ST6GALNAC3: variants seen among roughly 807,000 people sequenced by gnomAD.
The protein encoded by ST6GALNAC3 is alpha-N-acetylgalactosaminide alpha-2,6-sialyltransferase 3.
ST6GALNAC3 carries 25 observed loss-of-function variants against 32.7 expected under a neutral mutation model. The observed-to-expected ratio is 0.76, with a 90% CI of 0.56 to 1.07. The LOEUF (loss-of-function observed/expected upper bound fraction) is 1.07. Among genes scored for constraint, ST6GALNAC3 ranks in the 50% least tolerant of loss-of-function variants. The probability of loss-of-function intolerance (pLI) is 0.00; values close to 1 mark genes in which losing one functional copy is unlikely to be tolerated. For synonymous variants in ST6GALNAC3, 129 were observed against 133.1 expected, an observed-to-expected ratio of 0.97 and a Z score of 0.21; for missense variants, 355 against 382.4, an observed-to-expected ratio of 0.93 and a Z score of 0.60.
intron 3 of ST6GALNAC3, among the ~76,000 whole-genome samples, chr1:76,532,134 T>G (rs1247161353): frequency 2.0e-5 from 3 of 152,226 alleles, no homozygotes; most frequent in Admixed American, 6.5e-5. Flanking sequence ...TCCTGGATTC[T>G]TGATTGTTGG....
intron 3 of ST6GALNAC3, among the ~76,000 whole-genome samples, chr1:76,574,970 A>G (rs868602563): frequency 2.0e-5 from 3 of 152,096 alleles, no homozygotes; most frequent in Non-Finnish European, 2.9e-5. Context: ...TCTGTCTTCC[A>G]TAGGTCAAAG....
At chr1:76,304,640 C>T (rs1385720573) in intron 1 of ST6GALNAC3, among the ~76,000 whole-genome samples, 1 of 152,024 alleles carries the variant, frequency 6.6e-6, no homozygotes, top group Non-Finnish European at 1.5e-5. Context: ...GACTTCCCTT[C>T]TCACTTCACT....
At chr1:76,277,288 T>C (rs1659184366) in intron 1 of ST6GALNAC3, among the ~76,000 whole-genome samples, 1 of 151,912 alleles carries the variant, frequency 6.6e-6, no homozygotes, top group South Asian at 2.1e-4. Context: ...GCTTATATAT[T>C]TGGGCAATGT....
intron 3 of ST6GALNAC3, among the ~76,000 whole-genome samples, chr1:76,451,979 C>A (rs1442830259): frequency 6.6e-6 from 1 of 152,168 alleles, no homozygotes; most frequent in Non-Finnish European, 1.5e-5. Flanking sequence ...TAAGACTGGA[C>A]ATCCTTGTCT....
chr1:76,625,196 A>C (rs573544292), intron 3 of ST6GALNAC3, among the ~76,000 whole-genome samples: 64 of 152,096 alleles, frequency 4.2e-4, no homozygotes, highest in African/African-American at 1.5e-3. Flanking sequence ...TATTGTGATC[A>C]ATTGTTTTAA....
chr1:76,455,591 A>G (rs771920903), intron 3 of ST6GALNAC3, among the ~76,000 whole-genome samples: 5 of 152,170 alleles, frequency 3.3e-5, no homozygotes, highest in South Asian at 2.1e-4. Flanking sequence ...GCTTTCAGCT[A>G]CAAGTTGAAA....
At chr1:76,449,183 T>C (rs775884142) in intron 3 of ST6GALNAC3, among the ~76,000 whole-genome samples, 6 of 152,242 alleles carry the variant, frequency 3.9e-5, no homozygotes, top group Non-Finnish European at 8.8e-5. Flanking sequence ...TGTTAAGTTT[T>C]TTCAGTTGGC....
chr1:76,333,600 A>G lies in ST6GALNAC3; in HGVS notation c.213+19601A>G, dbSNP rs570370342. 2.6e-5 allele frequency among the ~76,000 whole-genome samples: 4 copies of G among 152,316 alleles called. No homozygotes were observed. The South Asian group carries it at 6.2e-4, about 24-fold the overall frequency. On this transcript the variant is annotated intron_variant, in intron 2 of 4. Coordinates refer to ENST00000328299, the MANE Select transcript of ST6GALNAC3 (RefSeq NM_152996.4). The stretch of plus-strand genomic sequence containing the variant: ...ATTCATCATCAGTTAAAATTTTTCT[A>G]TTAATCAGTCAATGAAAAAATTATC...
intron 1 of ST6GALNAC3, among the ~76,000 whole-genome samples, chr1:76,280,372 C>T (rs777364766): frequency 1.4e-4 from 21 of 152,138 alleles, no homozygotes; most frequent in Non-Finnish European, 2.6e-4. Flanking sequence ...TCTTTTCTTC[C>T]TAGAACTAAC....
chr1:76,487,874 T>C (rs1485414188), intron 3 of ST6GALNAC3, among the ~76,000 whole-genome samples: 4 of 152,136 alleles, frequency 2.6e-5, no homozygotes, highest in Admixed American at 2.6e-4. Flanking sequence ...ACCTTGGTCT[T>C]TGATGATGGT....
intron 1 of ST6GALNAC3, among the ~76,000 whole-genome samples, chr1:76,304,933 G>A (rs1039777961): frequency 1.3e-5 from 2 of 151,950 alleles, no homozygotes; most frequent in African/African-American, 4.8e-5. Flanking sequence ...GCAGAGGTTC[G>A]CAGAAGCCAC....
chr1:76,613,498 T>C (rs1301873022), intron 3 of ST6GALNAC3, among the ~76,000 whole-genome samples: 4 of 152,192 alleles, frequency 2.6e-5, no homozygotes, highest in Non-Finnish European at 5.9e-5. Flanking sequence ...TGGATGTAAA[T>C]GATGACATGG....
At chr1:76,449,725 T>A (rs1034630197) in intron 3 of ST6GALNAC3, among the ~76,000 whole-genome samples, 1 of 152,250 alleles carries the variant, frequency 6.6e-6, no homozygotes, top group African/African-American at 2.4e-5. Flanking sequence ...GGTTGTTAAC[T>A]TTTTATCATT....
At chr1:76,410,444 C>A (rs750683615) in intron 2 of ST6GALNAC3, among the ~76,000 whole-genome samples, 12 of 152,126 alleles carry the variant, frequency 7.9e-5, no homozygotes, top group African/African-American at 1.2e-4. Flanking sequence ...CACACACTCA[C>A]ACACACACGT....
chr1:76,220,111 T>G (rs1003468521), intron 1 of ST6GALNAC3, among the ~76,000 whole-genome samples: 2 of 152,192 alleles, frequency 1.3e-5, no homozygotes, highest in Non-Finnish European at 2.9e-5. Context: ...TTTTTAAAAT[T>G]TTTTGGGTTC....
intron 3 of ST6GALNAC3, among the ~76,000 whole-genome samples, chr1:76,562,071 T>C (rs1665277094): frequency 6.6e-6 from 1 of 152,136 alleles, no homozygotes; most frequent in East Asian, 1.9e-4. Flanking sequence ...AGTTTAGTTG[T>C]TTCCTGGGGC....
chr1:76,337,620 T>C (rs1647609742), intron 2 of ST6GALNAC3, among the ~76,000 whole-genome samples: 1 of 152,082 alleles, frequency 6.6e-6, no homozygotes, highest in South Asian at 2.1e-4. Context: ...GGGTGCTAGT[T>C]AGAAATGGGG....
At chr1:76,084,151 C>T (rs190558425) in intron 1 of ST6GALNAC3, among the ~76,000 whole-genome samples, 50 of 152,226 alleles carry the variant, frequency 3.3e-4, no homozygotes, top group African/African-American at 1.1e-3. Context: ...ATGAGAGTAG[C>T]GTAAGGGGCT....
intron 2 of ST6GALNAC3, among the ~76,000 whole-genome samples, chr1:76,333,112 T>C (rs1647229333): frequency 6.6e-6 from 1 of 152,162 alleles, no homozygotes; most frequent in African/African-American, 2.4e-5. Flanking sequence ...TATCCAAAAA[T>C]ATTTTAAATT....
Sources: allele counts gnomAD v4.1 joint callset (sites outside exome capture counted in the v4.1 genomes callset), GRCh38; gene constraint gnomAD v4.1.1; transcripts MANE v1.5; gene names NCBI Gene and HGNC (gene_info 2026-07-23, HGNC 2026-07-21).